MAPRE3: variants seen among roughly 807,000 people sequenced by gnomAD.
MAPRE3 encodes microtubule associated protein RP/EB family member 3.
MAPRE3 carries 2 observed loss-of-function variants against 30.5 expected under a neutral mutation model. The ratio of observed to expected loss-of-function variants is 0.07; its 90% CI spans 0.03 to 0.21. The LOEUF is 0.21. Among genes scored for constraint, MAPRE3 ranks in the 10% least tolerant of loss-of-function variants. The probability of loss-of-function intolerance (pLI) is 1.00; values close to 1 mark genes in which losing one functional copy is unlikely to be tolerated. For synonymous variants in MAPRE3, 110 were observed against 127.7 expected (o/e 0.86, Z 0.93); for missense variants, 204 against 351.8 (o/e 0.58, Z 3.36).
chr2:26,999,144 G>A (rs1009276046), intron 1 of MAPRE3, among the ~76,000 whole-genome samples: 2 of 152,160 alleles, frequency 1.3e-5, no homozygotes, highest in South Asian at 4.1e-4. Flanking sequence ...AAAGGGTTTG[G>A]GGAAGAAGGA....
At chr2:27,008,988 C>T (rs1323552634) in intron 1 of MAPRE3, among the ~76,000 whole-genome samples, 1 of 133,812 alleles carries the variant, frequency 7.5e-6, no homozygotes, top group Non-Finnish European at 1.6e-5. Flanking sequence ...ATAACGTTGA[C>T]AAAATGACAA....
At chr2:27,009,071 G>A (rs1050757451) in intron 1 of MAPRE3, among the ~76,000 whole-genome samples, 12 of 152,152 alleles carry the variant, frequency 7.9e-5, no homozygotes, top group African/African-American at 2.9e-4. Context: ...CAGCTATAAA[G>A]GGGTAGCATG....
At chr2:27,024,432 C>T (rs772495949) in intron 4 of MAPRE3, 135 bp downstream of exon 4, 15 of 767,812 alleles carry the variant, frequency 2.0e-5, no homozygotes, top group Middle Eastern at 3.8e-4. Context: ...CGGATGACGC[C>T]GCCTGCTGGC....
At chr2:26,992,699 T>C (rs1289509855) in intron 1 of MAPRE3, among the ~76,000 whole-genome samples, 3 of 152,224 alleles carry the variant, frequency 2.0e-5, no homozygotes, top group Non-Finnish European at 4.4e-5. Flanking sequence ...CTTGAATTCA[T>C]GTTATAGTTT....
intron 1 of MAPRE3, among the ~76,000 whole-genome samples, chr2:27,000,672 A>T: frequency 6.6e-6 from 1 of 152,252 alleles, no homozygotes; most frequent in East Asian, 1.9e-4. Context: ...CAGGAGAAGG[A>T]GCTGCACCAC....
chr2:27,000,909 A>C (rs970283334), intron 1 of MAPRE3, among the ~76,000 whole-genome samples: 1 of 152,264 alleles, frequency 6.6e-6, no homozygotes. Flanking sequence ...GATTTATCCA[A>C]TTATTTATCT....
intron 6 of MAPRE3, 82 bp downstream of exon 6, chr2:27,026,114 G>A (rs968026307): frequency 4.0e-5 from 62 of 1,539,696 alleles, no homozygotes; most frequent in Middle Eastern, 3.5e-4. Context: ...AGAAGGGACC[G>A]TGGAGAACAT....
At chr2:26,983,526 C>T (rs1274754010) in intron 1 of MAPRE3, among the ~76,000 whole-genome samples, 2 of 152,186 alleles carry the variant, frequency 1.3e-5, no homozygotes, top group Non-Finnish European at 2.9e-5. Flanking sequence ...GCCTCTGAGG[C>T]CCTCTCGAAG....
chr2:27,016,272 T>C (rs1405442065), intron 1 of MAPRE3, among the ~76,000 whole-genome samples: 1 of 152,050 alleles, frequency 6.6e-6, no homozygotes, highest in Admixed American at 6.5e-5. Context: ...ACTACATCTC[T>C]TGGGACAGAG....
At chr2:27,009,235 T>TA (rs1666797419) in intron 1 of MAPRE3, among the ~76,000 whole-genome samples, 1 of 152,232 alleles carries the variant, frequency 6.6e-6, no homozygotes, top group South Asian at 2.1e-4. Flanking sequence ...GTAGTTTACT[T>TA]ACAAATGTGC....
At chr2:27,005,427 C>T (rs1039743338) in intron 1 of MAPRE3, among the ~76,000 whole-genome samples, 4 of 152,216 alleles carry the variant, frequency 2.6e-5, no homozygotes, top group African/African-American at 9.6e-5. Flanking sequence ...GTGGCTTGGG[C>T]AAGAAACTTT....
intron 1 of MAPRE3, among the ~76,000 whole-genome samples, chr2:26,980,736 A>G (rs1666097454): frequency 6.6e-6 from 1 of 152,228 alleles, no homozygotes; most frequent in African/African-American, 2.4e-5. Context: ...CTTTTTATAC[A>G]ACGTTCTTCA....
At chr2:27,001,215 C>T (rs1390106239) in intron 1 of MAPRE3, among the ~76,000 whole-genome samples, 1 of 152,212 alleles carries the variant, frequency 6.6e-6, no homozygotes, top group Non-Finnish European at 1.5e-5. Context: ...CTCACCCAAA[C>T]CTAGATGGTA....
intron 6 of MAPRE3, 119 bp downstream of exon 6, chr2:27,026,151 C>G: frequency 7.0e-7 from 1 of 1,429,424 alleles, no homozygotes; most frequent in Non-Finnish European, 9.7e-7. Context: ...GGTGAAGTCA[C>G]TAGCCCAGGG....
intron 1 of MAPRE3, among the ~76,000 whole-genome samples, chr2:27,021,273 A>C (rs1411599770): frequency 2.6e-5 from 4 of 152,192 alleles, no homozygotes; most frequent in African/African-American, 9.7e-5. Flanking sequence ...CCTGAGGGTA[A>C]GCAGAAAAGG....
chr2:26,983,893 A>G (rs1666166521), intron 1 of MAPRE3, among the ~76,000 whole-genome samples: 1 of 152,210 alleles, frequency 6.6e-6, no homozygotes, highest in African/African-American at 2.4e-5. Flanking sequence ...AAGAGAAACA[A>G]CTGAGAAGCC....
Position 27,015,210 on chromosome 2 carries a change from T to C in MAPRE3, c.-7-7002T>C, listed in dbSNP as rs1666956207. ...CGAACAAATGCCCTTAGATTCTCACTGTCTGTCCCCGCGATGCTGACAGCA... is the reference window on the plus strand; with the variant it reads ...CGAACAAATGCCCTTAGATTCTCACCGTCTGTCCCCGCGATGCTGACAGCA... On this transcript the variant is annotated intron_variant, in intron 1 of 6. Transcript: ENST00000233121. This position sits in a 1 kb window ranked among gnomAD's most constrained non-coding sequence, Gnocchi z 4.0. 6.6e-6 allele frequency among the ~76,000 whole-genome samples: 1 copy of C among 152,260 alleles called. No homozygotes were observed. The highest frequency in any genetic ancestry group is 1.5e-5 in the Non-Finnish European group (1 of 68,048).
At position 27,022,248 on chromosome 2, in the gene MAPRE3, G is replaced by A. The variant is rs772610051; in HGVS notation, c.30G>A (p.Val10=). The A allele has an allele frequency of 2.5e-6, 4 of 1,613,968 alleles. No individual in the cohort carries two copies. Among genetic ancestry groups the A allele is most frequent in the South Asian group, 1.1e-5 (1 of 91,060 alleles). The part of the protein sequence containing the change: MAVNVYSTS[V]TSENLSRHDM... ...CCGTCAATGTGTACTCCACATCTGT[G>A]ACCAGTGAAAATCTGAGTCGCCATG... Residue 10 remains valine (V), a synonymous_variant, in exon 2 of 7, where the codon GTG becomes GTA. Coordinates refer to ENST00000233121, the MANE Select transcript of MAPRE3 (RefSeq NM_012326.4).
At chr2:26,979,821 T>G (rs1230084630) in intron 1 of MAPRE3, among the ~76,000 whole-genome samples, 1 of 152,012 alleles carries the variant, frequency 6.6e-6, no homozygotes, top group Non-Finnish European at 1.5e-5. Flanking sequence ...TAACCAGAAA[T>G]TAGGAAGTTT....
Sources: allele counts gnomAD v4.1 joint callset (sites outside exome capture counted in the v4.1 genomes callset), GRCh38; gene constraint gnomAD v4.1.1; non-coding constraint Gnocchi (gnomAD v3.1); transcripts MANE v1.5; gene names NCBI Gene and HGNC (gene_info 2026-07-23, HGNC 2026-07-21).